Variants in GNA12 observed in about 807,000 individuals in gnomAD.
GNA12 encodes the protein guanine nucleotide-binding protein subunit alpha-12.
In GNA12, 9 loss-of-function variants were observed where a neutral mutation model predicts 26.0. That is an observed-to-expected ratio of 0.35 (90% CI 0.21 to 0.60). The LOEUF (loss-of-function observed/expected upper bound fraction) is 0.60, where lower values mean the gene tolerates loss of function less well. Ranked by LOEUF, GNA12 falls within the 20% of genes least tolerant of loss-of-function variation. GNA12 has a pLI of 0.78. For missense variants in GNA12, 405 were observed against 525.8 expected (o/e 0.77, Z 2.25); for synonymous variants, 264 against 219.6 (o/e 1.20, Z -1.79).
At chr7:2,816,414 T>C (rs1793220958) in intron 1 of GNA12, among the ~76,000 whole-genome samples, 3 of 152,122 alleles carry the variant, frequency 2.0e-5, no homozygotes, top group South Asian at 2.1e-4. Context: ...TATTTTTTAG[T>C]AGAGATGGGT....
rs1789856660 is a variant in GNA12, at chr7:2,730,926, C to T, written c.*255G>A. 6.3e-6 allele frequency: 3 copies of T among 474,444 alleles called. No homozygotes were observed. The highest frequency in any genetic ancestry group is 6.7e-5 in the Admixed American group (2 of 29,666). 29.4% of individuals were successfully genotyped at this position (474,444 alleles called of 1,614,324 possible). A position where few individuals can be genotyped will look rare whatever the true frequency, so the allele number is the denominator to read the frequency against. On this transcript the variant is annotated 3_prime_UTR_variant, in exon 4 of 4. Transcript: ENST00000275364. ...AAAGCAAGCTGTGTGATTAGGTGTT[C>T]CGTATTCACAACATCATCACTCGGA... is the stretch of plus-strand genomic sequence containing the variant.
At chr7:2,780,664 T>C (rs1792203973) in intron 2 of GNA12, among the ~76,000 whole-genome samples, 1 of 152,204 alleles carries the variant, frequency 6.6e-6, no homozygotes, top group African/African-American at 2.4e-5. Context: ...ATGTACTCTT[T>C]TGTGTCTGGT....
intron 1 of GNA12, among the ~76,000 whole-genome samples, chr7:2,839,720 G>C (rs1778934704): frequency 6.6e-6 from 1 of 152,164 alleles, no homozygotes; most frequent in African/African-American, 2.4e-5. Context: ...TCGAATTAAA[G>C]AACAGAGGCG....
intron 1 of GNA12, among the ~76,000 whole-genome samples, chr7:2,796,108 C>T (rs1299874314): frequency 1.7e-4 from 25 of 144,604 alleles, no homozygotes; most frequent in Admixed American, 6.7e-4. Context: ...TCAGCTGATC[C>T]GCCCGCCTCA....
At chr7:2,753,014 CCTT>C (rs1415379194) in intron 2 of GNA12, among the ~76,000 whole-genome samples, 3 of 152,240 alleles carry the variant, frequency 2.0e-5, no homozygotes, top group African/African-American at 4.8e-5. Flanking sequence ...CAGCCATCCT[CCTT>C]CTTCCACCAT....
intron 2 of GNA12, among the ~76,000 whole-genome samples, chr7:2,791,789 G>C (rs549314659): frequency 6.6e-5 from 10 of 152,200 alleles, no homozygotes; most frequent in Admixed American, 5.9e-4. Flanking sequence ...CAGTTTTGCT[G>C]TAATTGTGTA....
rs1193196901 is a variant in GNA12 at position 2,780,048 on chromosome 7, GTACATATA to G, written c.525+14872_525+14879del. ...GTACTAGTTTTTTACACATTTCTGT[GTACATATA>G]TATATATATATATATATATATATAT... On this transcript the variant is annotated intron_variant, in intron 2 of 3. Transcript: ENST00000275364. Among the ~76,000 whole-genome samples, 211 of 84,718 alleles carry G rather than the reference GTACATATA, an allele frequency of 2.5e-3. 6 individuals carry two copies. The highest frequency in any genetic ancestry group is 4.4e-3 in the East Asian group (13 of 2,928). 55.6% of individuals were successfully genotyped at this position (84,718 alleles called of 152,430 possible).
chr7:2,770,465 G>C (rs1178951204), intron 2 of GNA12, among the ~76,000 whole-genome samples: 2 of 152,110 alleles, frequency 1.3e-5, no homozygotes, highest in South Asian at 4.1e-4. Context: ...ATTAGATTAA[G>C]TTAGAGTTAG....
intron 2 of GNA12, among the ~76,000 whole-genome samples, chr7:2,794,397 C>T (rs1352149979): frequency 6.6e-6 from 1 of 152,088 alleles, no homozygotes; most frequent in Non-Finnish European, 1.5e-5. Flanking sequence ...AGCAAACAGG[C>T]AAAACCCCCC....
At chr7:2,757,608 T>A (rs1050905336) in intron 2 of GNA12, among the ~76,000 whole-genome samples, 3 of 152,242 alleles carry the variant, frequency 2.0e-5, no homozygotes, top group African/African-American at 4.8e-5. Flanking sequence ...GAACTCTGGA[T>A]GCCCAGGCTG....
rs1322518519 is a variant in GNA12 at position 2,795,653 on chromosome 7, GA to G, written c.310-511del. On this transcript the variant is annotated intron_variant, in intron 1 of 3. Transcript: ENST00000275364. ...AAAAAAAAAAAAAGAAAAGAAAAAAGAAAAAAAAGAAAACAGATGTACATAA... is the reference window on the plus strand; with the variant it reads ...AAAAAAAAAAAAAGAAAAGAAAAAAGAAAAAAAGAAAACAGATGTACATAA... 2.5e-3 allele frequency among the ~76,000 whole-genome samples: 373 copies of G among 148,006 alleles called. 2 individuals are homozygous for G. The highest frequency in any genetic ancestry group is 8.8e-3 in the African/African-American group (352 of 40,028).
chr7:2,810,260 ACT>A (rs1793049693), intron 1 of GNA12, among the ~76,000 whole-genome samples: 2 of 152,128 alleles, frequency 1.3e-5, no homozygotes, highest in African/African-American at 2.4e-5. Flanking sequence ...GTGATTTCTC[ACT>A]GTGTCCTCAG....
At position 2,763,048 on chromosome 7, in the gene GNA12, C is replaced by T. The variant is rs2115403743; in HGVS notation, c.526-29547G>A. The T allele has an allele frequency of 2.4e-6, 3 of 1,247,408 alleles. No individual in the cohort carries two copies. The East Asian group carries it at 9.4e-5, about 39-fold the overall frequency. The allele number at this position is 1,247,408 out of a possible 1,614,324, so 77.3% of individuals were successfully genotyped here. A position where few individuals can be genotyped will look rare whatever the true frequency, so the allele number is the denominator to read the frequency against. On this transcript the variant is annotated intron_variant, in intron 2 of 3. Coordinates refer to ENST00000275364, the MANE Select transcript of GNA12 (RefSeq NM_007353.3). ...TGGCCCAGGACTCAGCGTGCCGTTC[C>T]TCCAGGACGCAGACCGGGGCTCCCT... is the stretch of plus-strand genomic sequence containing the variant.
intron 2 of GNA12, among the ~76,000 whole-genome samples, chr7:2,754,017 A>C (rs1218196600): frequency 6.6e-6 from 1 of 152,004 alleles, no homozygotes; most frequent in Non-Finnish European, 1.5e-5. Context: ...CTACATCTAA[A>C]CCCTTAAGTT....
intron 2 of GNA12, among the ~76,000 whole-genome samples, chr7:2,737,269 G>GTTTTTTTTTTTTTTTTTTTTTTTTTT (rs1317020597): frequency 2.6e-5 from 1 of 38,110 alleles, no homozygotes; most frequent in African/African-American, 9.4e-5. Flanking sequence ...TCACAGTTTT[G>GTTTTTTTTTTTTTTTTTTTTTTTTTT]TTTTGTTTTT....
intron 2 of GNA12, chr7:2,763,040 T>A: frequency 8.0e-7 from 1 of 1,250,258 alleles, no homozygotes; most frequent in Non-Finnish European, 1.0e-6. Context: ...GGACTCAGCG[T>A]GCCGTTCCTC....
chr7:2,805,429 G>A (rs1396192462), intron 1 of GNA12, among the ~76,000 whole-genome samples: 1 of 152,146 alleles, frequency 6.6e-6, no homozygotes, highest in Non-Finnish European at 1.5e-5. Context: ...GTAGAGACAG[G>A]GTCACACTGT....
intron 1 of GNA12, among the ~76,000 whole-genome samples, chr7:2,838,473 A>G (rs547199054): frequency 6.6e-6 from 1 of 152,270 alleles, no homozygotes; most frequent in Non-Finnish European, 1.5e-5. Flanking sequence ...AGTCCCGGCT[A>G]CTAGGGAGGC....
At chr7:2,732,555 AAAAAC>A (rs2115284557) in intron 3 of GNA12, among the ~76,000 whole-genome samples, 1 of 152,262 alleles carries the variant, frequency 6.6e-6, no homozygotes, top group South Asian at 2.1e-4. Context: ...CAAAAAATCG[AAAAAC>A]AAAACAGAAC....
Sources: gnomAD v4.1 joint callset for allele counts (sites outside exome capture counted in the v4.1 genomes callset) on GRCh38, gnomAD v4.1.1 for gene constraint, MANE v1.5 for transcripts, NCBI Gene and HGNC (gene_info 2026-07-23, HGNC 2026-07-21) for gene names.